SCMH1: variants seen among roughly 807,000 people sequenced by gnomAD.
SCMH1 encodes polycomb protein SCMH1.
Under a neutral mutation model 70.8 loss-of-function variants are expected in SCMH1, and 37 were observed. The ratio of observed to expected loss-of-function variants is 0.52; its 90% CI spans 0.40 to 0.69. The LOEUF (loss-of-function observed/expected upper bound fraction) is 0.69. Among genes scored for constraint, SCMH1 ranks in the 30% least tolerant of loss-of-function variants. SCMH1 has a pLI of 0.00. For missense variants in SCMH1, 607 were observed against 827.3 expected, an observed-to-expected ratio of 0.73 and a Z score of 3.27; for synonymous variants, 292 against 307.4, an observed-to-expected ratio of 0.95 and a Z score of 0.52.
intron 6 of SCMH1, among the ~76,000 whole-genome samples, chr1:41,138,470 G>T (rs561598507): frequency 6.6e-6 from 1 of 152,084 alleles, no homozygotes; most frequent in South Asian, 2.1e-4. Flanking sequence ...ATATCTAACA[G>T]TTCCTTTGAG....
intron 12 of SCMH1, chr1:41,043,279 A>G (rs1646454520): frequency 6.6e-6 from 1 of 151,978 alleles, no homozygotes. Context: ...TTTTTGGTAC[A>G]GATAGGATTT....
intron 1 of SCMH1, among the ~76,000 whole-genome samples, chr1:41,238,702 G>C (rs1662883160): frequency 2.0e-5 from 3 of 152,182 alleles, no homozygotes; most frequent in Non-Finnish European, 2.9e-5. Flanking sequence ...CGCCTCTGCT[G>C]TATTTTAGCT....
intron 2 of SCMH1, among the ~76,000 whole-genome samples, chr1:41,174,093 C>T (rs995012600): frequency 1.6e-4 from 25 of 152,032 alleles, no homozygotes; most frequent in African/African-American, 5.8e-4. Flanking sequence ...TTTCTGAATG[C>T]TCCCAACATA....
intron 1 of SCMH1, among the ~76,000 whole-genome samples, chr1:41,198,582 G>A (rs1208465263): frequency 6.6e-6 from 1 of 152,084 alleles, no homozygotes; most frequent in Non-Finnish European, 1.5e-5. Context: ...TTCTACCCTT[G>A]TAGTACAAAA....
At chr1:41,048,952 A>G in intron 10 of SCMH1, 62 bp from the exon 11 acceptor site, 1 of 1,445,146 alleles carries the variant, frequency 6.9e-7, no homozygotes, top group South Asian at 1.3e-5. Flanking sequence ...GTCAGAGAAC[A>G]GCATCCTATT....
At chr1:41,035,363 C>T (rs1413751488) in intron 13 of SCMH1, among the ~76,000 whole-genome samples, 1 of 152,194 alleles carries the variant, frequency 6.6e-6, no homozygotes, top group Non-Finnish European at 1.5e-5. Context: ...CCCATACCTA[C>T]TAGGTTGCTA....
chr1:41,086,888 C>CAA (rs369382154), intron 8 of SCMH1, among the ~76,000 whole-genome samples: 3,664 of 126,694 alleles, frequency 0.029, 81 homozygotes, highest in Middle Eastern at 0.037. Flanking sequence ...AAAACAAAAC[C>CAA]AAAAAAAAAA....
chr1:41,048,621 C>T (rs1382706670), intron 11 of SCMH1, 69 bp downstream of exon 11: 5 of 1,425,696 alleles, frequency 3.5e-6, no homozygotes, highest in African/African-American at 1.4e-5. Flanking sequence ...GGATGCCTTA[C>T]AAGAAATCAA....
exon 12 of SCMH1, chr1:41,046,450 G>A: frequency 1.2e-6 from 2 of 1,614,202 alleles, no homozygotes; most frequent in South Asian, 1.1e-5. Context: ...CTATGGCAGT[G>A]AGTGACAAGT....
chr1:41,119,368 T>C (rs1307865603), intron 6 of SCMH1, among the ~76,000 whole-genome samples: 3 of 152,100 alleles, frequency 2.0e-5, no homozygotes, highest in Non-Finnish European at 4.4e-5. Flanking sequence ...CAATGTGGAC[T>C]TTCCTATCAC....
chr1:41,052,940 CAG>C (rs1648776751), intron 10 of SCMH1, among the ~76,000 whole-genome samples: 2 of 133,550 alleles, frequency 1.5e-5, no homozygotes, highest in Non-Finnish European at 3.1e-5. Context: ...TTTCTTGAGA[CAG>C]AGTCTCTCTC....
chr1:41,238,463 AC>A (rs1662827411), intron 1 of SCMH1, among the ~76,000 whole-genome samples: 1 of 150,392 alleles, frequency 6.6e-6, no homozygotes. Flanking sequence ...GTGTTTAAAA[AC>A]CCCTCCTCCT....
chr1:41,047,984 C>G (rs1406678960), intron 11 of SCMH1, among the ~76,000 whole-genome samples: 1 of 152,152 alleles, frequency 6.6e-6, no homozygotes, highest in Non-Finnish European at 1.5e-5. Flanking sequence ...ATGGAGTCTT[C>G]CATGCCAGCG....
At chr1:41,145,938 A>C (rs1386215766) in intron 5 of SCMH1, among the ~76,000 whole-genome samples, 2 of 152,224 alleles carry the variant, frequency 1.3e-5, no homozygotes. Context: ...TTACTGGTTT[A>C]TGTGTTTACT....
At chr1:41,163,406 G>A (rs1019906945) in intron 2 of SCMH1, among the ~76,000 whole-genome samples, 3 of 152,188 alleles carry the variant, frequency 2.0e-5, no homozygotes, top group African/African-American at 7.2e-5. Flanking sequence ...TGAGTGGAAC[G>A]AGCCCAGTGG....
At chr1:41,103,298 ATTTTTT>A (rs1024036640) in intron 8 of SCMH1, among the ~76,000 whole-genome samples, 1 of 151,274 alleles carries the variant, frequency 6.6e-6, no homozygotes, top group Non-Finnish European at 1.5e-5. Context: ...CTCCTGGCTA[ATTTTTT>A]TTTATTTTTT....
intron 1 of SCMH1, among the ~76,000 whole-genome samples, chr1:41,194,833 C>T (rs974458850): frequency 7.9e-5 from 12 of 152,012 alleles, no homozygotes; most frequent in Non-Finnish European, 1.8e-4. Flanking sequence ...CAGAAGTTTG[C>T]AAACCTTTTC....
At chr1:41,118,574 T>A (rs544913099) in intron 6 of SCMH1, among the ~76,000 whole-genome samples, 1 of 152,236 alleles carries the variant, frequency 6.6e-6, no homozygotes, top group East Asian at 1.9e-4. Context: ...CTGAAGTTCA[T>A]TGTTTACTTA....
chr1:41,229,013 C>G (rs571897307), intron 1 of SCMH1, among the ~76,000 whole-genome samples: 1 of 152,110 alleles, frequency 6.6e-6, no homozygotes, highest in African/African-American at 2.4e-5. Context: ...CTGACCAACA[C>G]GGTGAAACCG....
Sources: gnomAD v4.1 joint callset for allele counts (sites outside exome capture counted in the v4.1 genomes callset) on GRCh38, gnomAD v4.1.1 for gene constraint, MANE v1.5 for transcripts, NCBI Gene and HGNC (gene_info 2026-07-23, HGNC 2026-07-21) for gene names.